Variants in PCBP3 observed in about 807,000 individuals in gnomAD.
The protein encoded by PCBP3 is poly(rC) binding protein 3.
Under a neutral mutation model 52.7 loss-of-function variants are expected in PCBP3, and 25 were observed. The observed-to-expected ratio is 0.47, with a 90% CI of 0.35 to 0.66. The LOEUF (loss-of-function observed/expected upper bound fraction) is 0.66, where lower values mean the gene tolerates loss of function less well. Ranked by LOEUF, PCBP3 falls within the 30% of genes least tolerant of loss-of-function variation. PCBP3 has a pLI of 0.01. For missense variants in PCBP3, 391 were observed against 490.3 expected (o/e 0.80, Z 1.91); for synonymous variants, 162 against 183.0 (o/e 0.89, Z 0.93).
At chr21:45,872,722 G>A (rs1366941482) in intron 5 of PCBP3, 3 of 151,006 alleles carry the variant, frequency 2.0e-5, no homozygotes, top group Non-Finnish European at 4.5e-5. Context: ...GTGCTTGGAG[G>A]GCTGTGGCAA....
In PCBP3 at chr21:45,776,653, G is replaced by T. The variant is rs185208091; in HGVS notation, c.-126+21201G>T. On this transcript the variant is annotated intron_variant, in intron 4 of 17. Transcript: ENST00000681687. ...TGTCTTTTACCTTTCTTGACTTAAA[G>T]TCTATTTTATCTGATATAACTGTAG... 2.2e-4 allele frequency among the ~76,000 whole-genome samples: 33 copies of T among 152,056 alleles called. No homozygotes were observed. The East Asian group carries it at 2.7e-3, about 12-fold the overall frequency.
intron 2 of PCBP3, among the ~76,000 whole-genome samples, chr21:45,706,485 C>T (rs2083456852): frequency 6.6e-6 from 1 of 152,120 alleles, no homozygotes; most frequent in African/African-American, 2.4e-5. Flanking sequence ...CCCTCTCCCT[C>T]TGCCATCTCT....
intron 5 of PCBP3, among the ~76,000 whole-genome samples, chr21:45,856,158 C>T (rs1358482793): frequency 1.3e-5 from 2 of 152,196 alleles, no homozygotes; most frequent in Non-Finnish European, 2.9e-5. Flanking sequence ...CCAGACCCTC[C>T]CAATCCTGAG....
chr21:45,722,250 T>C (rs929279173), intron 2 of PCBP3, among the ~76,000 whole-genome samples: 16 of 152,324 alleles, frequency 1.1e-4, no homozygotes, highest in Admixed American at 3.3e-4. Flanking sequence ...GTAATGTATG[T>C]AAAAATGGCC....
At position 45,650,848 on chromosome 21, in the gene PCBP3, T is replaced by A. The variant is rs117861832; in HGVS notation, c.-279+6980T>A. On this transcript the variant is annotated intron_variant, in intron 1 of 17. Transcript: ENST00000681687. ...GTAGCAATTAATCACTTTGGAAGGG[T>A]CGCTAGTCCATTCTGCTCACATTTC... Among the ~76,000 whole-genome samples the A allele has an allele frequency of 8.3e-3, 1,269 of 152,118 alleles. 45 individuals are homozygous for A. The East Asian group carries it at 0.12, about 14-fold the overall frequency.
Position 45,900,985 on chromosome 21 carries a change from C to A in PCBP3, c.223-12C>A. ...TAATCAGGTCGCTGGGGTTTCTCTG[C>A]TCTCACCTTAGAGTGGTGCAAGGAT... On this transcript the variant is annotated splice_polypyrimidine_tract_variant and intron_variant, in intron 8 of 17. Coordinates refer to ENST00000681687, the MANE Select transcript of PCBP3 (RefSeq NM_001384156.1). 1 of 1,601,298 alleles carries A rather than the reference C, an allele frequency of 6.2e-7. No homozygotes were observed. The highest frequency in any genetic ancestry group is 8.6e-7 in the Non-Finnish European group (1 of 1,168,378).
intron 2 of PCBP3, among the ~76,000 whole-genome samples, chr21:45,697,296 T>C (rs769652715): frequency 9.2e-5 from 14 of 152,220 alleles, no homozygotes; most frequent in Non-Finnish European, 1.3e-4. Flanking sequence ...ATGGAACATA[T>C]GTACATTGGA....
rs189658633 is a variant in PCBP3, at chr21:45,670,857, G to A, written c.-200+1905G>A. On this transcript the variant is annotated intron_variant, in intron 2 of 17. Transcript: ENST00000681687. ...TTCACTGTGGATGTACCTCATCAGT[G>A]ATCAGGTTTCCTCTGTGTGGTGATT... is the stretch of plus-strand genomic sequence containing the variant. 1.8e-4 allele frequency among the ~76,000 whole-genome samples: 28 copies of A among 152,296 alleles called. 1 individual carries two copies. In the Middle Eastern group the frequency reaches 0.014, roughly 74 times the overall value.
rs189688403 is a variant in PCBP3 at position 45,736,133 on chromosome 21, A to G, written c.-162+704A>G. 2.6e-5 allele frequency among the ~76,000 whole-genome samples: 4 copies of G among 152,380 alleles called. No homozygotes were observed. Among genetic ancestry groups the G allele is most frequent in the African/African-American group, 9.6e-5 (4 of 41,596 alleles). ...TTCTGCATGGAAAACTAATGGAGTC[A>G]TGATGGCTGCTGATGCTGATGAAGT... On this transcript the variant is annotated intron_variant, in intron 3 of 17. Coordinates refer to ENST00000681687, the MANE Select transcript of PCBP3 (RefSeq NM_001384156.1). This position sits in a 1 kb window ranked among gnomAD's most constrained non-coding sequence, Gnocchi z 4.6.
In PCBP3 at chr21:45,901,120, T is replaced by G; in HGVS notation, c.339+7T>G. The G allele has an allele frequency of 6.3e-7, 1 of 1,586,060 alleles. No individual in the cohort carries two copies. The highest frequency in any genetic ancestry group is 1.1e-5 in the South Asian group (1 of 90,514). On this transcript the variant is annotated splice_region_variant and intron_variant, in intron 9 of 17. Coordinates refer to ENST00000681687, the MANE Select transcript of PCBP3 (RefSeq NM_001384156.1). ...CGCATACAAGTTTGAGGAGGTAACC[T>G]GCACCCCAGGCACCTCTGCCAGCCT...
rs1433265149 is a variant in PCBP3 at position 45,904,581 on chromosome 21, A to G, written c.339+3468A>G. Among the ~76,000 whole-genome samples, 1 of 152,220 alleles carries G rather than the reference A, an allele frequency of 6.6e-6. No individual in the cohort carries two copies. Among genetic ancestry groups the G allele is most frequent in the Admixed American group, 6.5e-5 (1 of 15,282 alleles). On this transcript the variant is annotated intron_variant, in intron 9 of 17. Coordinates refer to ENST00000681687, the MANE Select transcript of PCBP3 (RefSeq NM_001384156.1). The surrounding 1 kb of genome is among the most constrained non-coding windows in gnomAD (Gnocchi z 4.8). ...TGGTTTGTGTAAAATGTATTTCTCA[A>G]TCACTTCATGTAAAAGTTGGTATGC...
intron 2 of PCBP3, among the ~76,000 whole-genome samples, chr21:45,707,102 T>C (rs1356180845): frequency 1.3e-5 from 2 of 152,190 alleles, no homozygotes; most frequent in Non-Finnish European, 2.9e-5. Context: ...AAAGGAGTAA[T>C]GCTTTCTACT....
intron 13 of PCBP3, among the ~76,000 whole-genome samples, chr21:45,924,066 C>T (rs1469437378): frequency 7.9e-6 from 1 of 125,970 alleles, no homozygotes; most frequent in East Asian, 2.3e-4. Flanking sequence ...AAACAGCACA[C>T]GTAAGATCGG....
chr21:45,787,870 A>G (rs1047587484), intron 4 of PCBP3, among the ~76,000 whole-genome samples: 4 of 152,266 alleles, frequency 2.6e-5, no homozygotes, highest in African/African-American at 9.6e-5. Context: ...GACTGTTGCA[A>G]CAGGAAAAGT....
chr21:45,900,239 G>A (rs2149090688), intron 7 of PCBP3, among the ~76,000 whole-genome samples: 2 of 152,350 alleles, frequency 1.3e-5, no homozygotes. Flanking sequence ...GGGAGGCTGA[G>A]CCAGAGTGTA....
At chr21:45,680,451 A>G (rs530279380) in intron 2 of PCBP3, among the ~76,000 whole-genome samples, 1 of 152,300 alleles carries the variant, frequency 6.6e-6, no homozygotes, top group South Asian at 2.1e-4. Context: ...ATTTACACCT[A>G]AGTGTGTGTT....
At chr21:45,930,089 T>C (rs754273678) in intron 14 of PCBP3, 94 bp downstream of exon 14, 2 of 819,738 alleles carry the variant, frequency 2.4e-6, no homozygotes, top group Non-Finnish European at 1.9e-6. Flanking sequence ...ATAGAACAGG[T>C]GCAGTTGGAT....
At chr21:45,850,898 A>G (rs1280803750) in intron 5 of PCBP3, among the ~76,000 whole-genome samples, 3 of 152,258 alleles carry the variant, frequency 2.0e-5, no homozygotes, top group African/African-American at 7.2e-5. Context: ...AATAGCTTAC[A>G]TAAATAATAT....
In PCBP3 at chr21:45,928,147, C is replaced by T. The variant is rs576148693; in HGVS notation, c.718-1770C>T. Among the ~76,000 whole-genome samples, 5 of 152,354 alleles carry T rather than the reference C, an allele frequency of 3.3e-5. No individual in the cohort carries two copies. The South Asian group carries it at 6.2e-4, about 19-fold the overall frequency. On this transcript the variant is annotated intron_variant, in intron 13 of 17. Coordinates refer to ENST00000681687, the MANE Select transcript of PCBP3 (RefSeq NM_001384156.1). This position sits in a 1 kb window ranked among gnomAD's most constrained non-coding sequence, Gnocchi z 4.1. ...TGCGCCTGCTTCCTCCTCCTGCCCC[C>T]GCAGGGCCTCGTGTATCTCCGGGAG...
Sources: allele counts gnomAD v4.1 joint callset (sites outside exome capture counted in the v4.1 genomes callset), GRCh38; gene constraint gnomAD v4.1.1; non-coding constraint Gnocchi (gnomAD v3.1); transcripts MANE v1.5; gene names NCBI Gene and HGNC (gene_info 2026-07-23, HGNC 2026-07-21).